The following TAPT1 variants were observed in gnomAD, a reference collection of about 807,000 sequenced individuals.
TAPT1 encodes transmembrane anterior posterior transformation protein 1 homolog.
A neutral mutation model predicts 65.6 loss-of-function variants in TAPT1; 28 were observed. That is an observed-to-expected ratio of 0.43 (90% confidence interval 0.32 to 0.59). TAPT1 has a LOEUF of 0.59. Ranked by LOEUF, TAPT1 falls within the 20% of genes least tolerant of loss-of-function variation. The probability of loss-of-function intolerance (pLI) is 0.09; values close to 1 mark genes in which losing one functional copy is unlikely to be tolerated. For synonymous variants in TAPT1, 278 were observed against 245.2 expected (o/e 1.13, Z -1.25); for missense variants, 563 against 679.9 (o/e 0.83, Z 1.91).
intron 2 of TAPT1, among the ~76,000 whole-genome samples, chr4:16,206,836 A>G (rs939652117): frequency 2.0e-5 from 3 of 152,242 alleles, no homozygotes; most frequent in Non-Finnish European, 4.4e-5. Flanking sequence ...TATCTTTTAA[A>G]TACATTAATA....
chr4:16,215,634 G>A (rs1010974278), intron 1 of TAPT1, among the ~76,000 whole-genome samples: 17 of 152,146 alleles, frequency 1.1e-4, no homozygotes, highest in African/African-American at 4.1e-4. Flanking sequence ...AACAGGAGGC[G>A]GAATCTATCT....
At chr4:16,166,569 G>C (rs1225659401) in intron 13 of TAPT1, 64 bp downstream of exon 13, 7 of 1,577,906 alleles carry the variant, frequency 4.4e-6, no homozygotes, top group Non-Finnish European at 6.1e-6. Flanking sequence ...GCTTAACATT[G>C]ATCAAACTGT....
At position 16,188,357 on chromosome 4, in the gene TAPT1, TAAAA is replaced by T. The variant is rs749331833; in HGVS notation, c.613-6_613-3del. The T allele has an allele frequency of 2.5e-5, 33 of 1,313,184 alleles. No homozygotes were observed. Among genetic ancestry groups the T allele is most frequent in the African/African-American group, 6.1e-5 (4 of 65,100 alleles). 81.3% of individuals were successfully genotyped at this position (1,313,184 alleles called of 1,614,324 possible). ...AGATGAAAACAGACGATCAGCTACC[TAAAA>T]AAAAAAATTATTTGTAAGATGTTTC... is the stretch of plus-strand genomic sequence containing the variant. On this transcript the variant is annotated splice_polypyrimidine_tract_variant and splice_region_variant and intron_variant, in intron 4 of 13. Transcript: ENST00000405303.
At chr4:16,221,963 T>C (rs1391927974) in intron 1 of TAPT1, among the ~76,000 whole-genome samples, 3 of 152,208 alleles carry the variant, frequency 2.0e-5, no homozygotes, top group East Asian at 3.8e-4. Context: ...GTTTTTAAGA[T>C]GTTTGAAAAA....
At chr4:16,180,115 C>T (rs1748623804) in intron 7 of TAPT1, among the ~76,000 whole-genome samples, 1 of 152,156 alleles carries the variant, frequency 6.6e-6, no homozygotes, top group Admixed American at 6.5e-5. Flanking sequence ...AATTACTGAA[C>T]TGATGAGTCC....
chr4:16,184,141 T>A (rs1748868123), intron 7 of TAPT1, among the ~76,000 whole-genome samples: 1 of 152,138 alleles, frequency 6.6e-6, no homozygotes, highest in Non-Finnish European at 1.5e-5. Context: ...CAGAAAGAAG[T>A]TCCATCATCC....
At chr4:16,201,255 A>C (rs1750011230) in intron 3 of TAPT1, among the ~76,000 whole-genome samples, 1 of 152,238 alleles carries the variant, frequency 6.6e-6, no homozygotes, top group Non-Finnish European at 1.5e-5. Flanking sequence ...ACGCTCATTT[A>C]CTACTTTAAA....
intron 3 of TAPT1, among the ~76,000 whole-genome samples, chr4:16,200,192 A>G (rs576823107): frequency 3.5e-4 from 53 of 152,352 alleles, no homozygotes; most frequent in African/African-American, 1.2e-3. Flanking sequence ...CACTAAGAAC[A>G]TGACATGTCT....
chr4:16,195,373 A>G (rs1011124192), intron 3 of TAPT1, among the ~76,000 whole-genome samples: 4 of 152,232 alleles, frequency 2.6e-5, no homozygotes, highest in Non-Finnish European at 5.9e-5. Flanking sequence ...GTTACTGGCA[A>G]TTCACCTTGC....
chr4:16,221,479 T>C (rs1157278447), intron 1 of TAPT1, among the ~76,000 whole-genome samples: 1 of 152,176 alleles, frequency 6.6e-6, no homozygotes, highest in Admixed American at 6.5e-5. Context: ...TGCTCTGTGA[T>C]CCAGAACTTA....
chr4:16,220,154 C>G (rs927116516), intron 1 of TAPT1, among the ~76,000 whole-genome samples: 1 of 152,180 alleles, frequency 6.6e-6, no homozygotes, highest in African/African-American at 2.4e-5. Context: ...ATTCTATAGA[C>G]CTATCTGAAC....
In TAPT1 at chr4:16,186,519, A is replaced by C. The variant is rs1362781241; in HGVS notation, c.916+16T>G. ...AATACTGCACAGAACTTCAAGTAGA[A>C]TCTAATTGTACATACCGCTATTTGA... is the stretch of plus-strand genomic sequence containing the variant. On this transcript the variant is annotated intron_variant, in intron 7 of 13. Coordinates refer to ENST00000405303, the MANE Select transcript of TAPT1 (RefSeq NM_153365.3). 4.7e-6 allele frequency: 7 copies of C among 1,480,248 alleles called. No homozygotes were observed. Among genetic ancestry groups the C allele is most frequent in the African/African-American group, 2.8e-5 (2 of 71,432 alleles). 91.7% of individuals were successfully genotyped at this position (1,480,248 alleles called of 1,614,324 possible). A position where few individuals can be genotyped will look rare whatever the true frequency, so the allele number is the denominator to read the frequency against.
At chr4:16,168,617 C>T (rs1354213174) in intron 12 of TAPT1, among the ~76,000 whole-genome samples, 1 of 152,268 alleles carries the variant, frequency 6.6e-6, no homozygotes, top group Non-Finnish European at 1.5e-5. Context: ...CCTGGCCACC[C>T]TCTAAGGCAG....
chr4:16,181,861 C>T, intron 7 of TAPT1, among the ~76,000 whole-genome samples: 1 of 152,154 alleles, frequency 6.6e-6, no homozygotes, highest in East Asian at 1.9e-4. Flanking sequence ...AGCCACTGTG[C>T]CTGGCCCAAA....
chr4:16,220,281 C>CA (rs1287301950), intron 1 of TAPT1, among the ~76,000 whole-genome samples: 4 of 152,178 alleles, frequency 2.6e-5, no homozygotes, highest in Non-Finnish European at 5.9e-5. Context: ...TAACTTCTGT[C>CA]AGACTTTTGC....
At chr4:16,181,594 A>G (rs565029530) in intron 7 of TAPT1, among the ~76,000 whole-genome samples, 1 of 152,232 alleles carries the variant, frequency 6.6e-6, no homozygotes, top group East Asian at 1.9e-4. Context: ...ATTTTTTAAG[A>G]TTTTTTTATT....
intron 11 of TAPT1, among the ~76,000 whole-genome samples, chr4:16,173,975 G>T (rs1748167000): frequency 6.6e-6 from 1 of 152,142 alleles, no homozygotes; most frequent in African/African-American, 2.4e-5. Flanking sequence ...TGTTAGGAAA[G>T]CCATTTACAT....
intron 7 of TAPT1, among the ~76,000 whole-genome samples, chr4:16,180,323 G>T (rs917924751): frequency 1.3e-5 from 2 of 152,152 alleles, no homozygotes; most frequent in South Asian, 4.1e-4. Flanking sequence ...CACTTTTTAA[G>T]CTGTTAACTT....
chr4:16,226,516 C>T (rs1433125532), upstream of TAPT1: 14 of 982,570 alleles, frequency 1.4e-5, no homozygotes, highest in East Asian at 6.4e-4. Flanking sequence ...TCCGGCCGGC[C>T]CCCTCCCCGC....
Sources: allele counts gnomAD v4.1 joint callset (sites outside exome capture counted in the v4.1 genomes callset), GRCh38; gene constraint gnomAD v4.1.1; transcripts MANE v1.5; gene names NCBI Gene and HGNC (gene_info 2026-07-23, HGNC 2026-07-21).